Variants in TYRP1 observed in about 807,000 individuals in gnomAD.
The protein encoded by TYRP1 is 5,6-dihydroxyindole-2-carboxylic acid oxidase.
TYRP1 carries 49 observed loss-of-function variants against 42.8 expected under a neutral mutation model. That is an observed-to-expected ratio of 1.14 (90% CI 0.91 to 1.45). TYRP1 has a LOEUF of 1.45. Among genes scored for constraint, TYRP1 ranks in the 40% most tolerant of loss-of-function variants. The probability of loss-of-function intolerance (pLI) is 0.00; values close to 1 mark genes in which losing one functional copy is unlikely to be tolerated. For synonymous variants in TYRP1, 279 were observed against 235.4 expected (o/e 1.19, Z -1.69); for missense variants, 848 against 662.0 (o/e 1.28, Z -3.08).
intron 6 of TYRP1, among the ~76,000 whole-genome samples, chr9:12,706,420 G>A (rs41306298): frequency 1.3e-5 from 2 of 151,954 alleles, no homozygotes; most frequent in African/African-American, 4.8e-5. Context: ...GTTGTTAAAG[G>A]TTCTCCAGAT....
chr9:12,704,204 A>G (rs761488281), intron 5 of TYRP1, among the ~76,000 whole-genome samples: 7 of 152,012 alleles, frequency 4.6e-5, no homozygotes, highest in Admixed American at 6.6e-5. Flanking sequence ...GATTTTCACT[A>G]TCTTTATTCC....
At chr9:12,701,414 G>A (rs1279638122) in intron 4 of TYRP1, among the ~76,000 whole-genome samples, 1 of 152,034 alleles carries the variant, frequency 6.6e-6, no homozygotes, top group East Asian at 1.9e-4. Flanking sequence ...GCCAGGTACT[G>A]TGCCAAGTCT....
chr9:12,698,354 G>T, intron 3 of TYRP1, 97 bp from the exon 4 acceptor site: 1 of 1,203,720 alleles, frequency 8.3e-7, no homozygotes, highest in Non-Finnish European at 1.2e-6. Context: ...ATTGTCTGAA[G>T]AGAGCTAATA....
chr9:12,708,382 G>A (rs1162263003), intron 7 of TYRP1, among the ~76,000 whole-genome samples: 1 of 151,894 alleles, frequency 6.6e-6, no homozygotes, highest in Non-Finnish European at 1.5e-5. Context: ...ATGCTTTGGG[G>A]TGAGTATGAA....
chr9:12,693,886 A>C, intron 1 of TYRP1, 26 bp from the exon 2 acceptor site: 4 of 1,448,510 alleles, frequency 2.8e-6, no homozygotes, highest in Non-Finnish European at 2.8e-6. Flanking sequence ...AACTTGCATA[A>C]TCTCATTTTA....
At chr9:12,706,270 T>G (rs1230253638) in intron 6 of TYRP1, among the ~76,000 whole-genome samples, 2 of 151,972 alleles carry the variant, frequency 1.3e-5, no homozygotes, top group East Asian at 3.9e-4. Context: ...GTTAGTAAAC[T>G]TTTTAGAGGA....
chr9:12,705,950 A>G (rs1465344083), intron 6 of TYRP1, among the ~76,000 whole-genome samples: 1 of 152,060 alleles, frequency 6.6e-6, no homozygotes, highest in Non-Finnish European at 1.5e-5. Flanking sequence ...CAGCTTTTTT[A>G]AAAGTGAAAC....
chr9:12,704,315 G>A (rs1395610108), intron 5 of TYRP1, among the ~76,000 whole-genome samples: 1 of 151,890 alleles, frequency 6.6e-6, no homozygotes, highest in Non-Finnish European at 1.5e-5. Flanking sequence ...CATTTAGAAT[G>A]TCATGCCACT....
chr9:12,699,632 A>G (rs1314910828), intron 4 of TYRP1, among the ~76,000 whole-genome samples: 4 of 152,124 alleles, frequency 2.6e-5, no homozygotes, highest in African/African-American at 9.7e-5. Flanking sequence ...TATAGGAATA[A>G]GAGAAGTGAT....
In TYRP1 at chr9:12,709,355, C is replaced by A. The variant is rs1818318763; in HGVS notation, c.*173C>A. On this transcript the variant is annotated 3_prime_UTR_variant, in exon 8 of 8. Transcript: ENST00000388918. ...AAAGCTGGGAAGACCCTTTCAGAAT[C>A]TTTTCAATGGGTTTTAATTTTCAGT... 1.5e-6 allele frequency: 1 copy of A among 663,802 alleles called. No homozygotes were observed. The highest frequency in any genetic ancestry group is 1.8e-5 in the South Asian group (1 of 55,910). 41.1% of individuals were successfully genotyped at this position (663,802 alleles called of 1,614,324 possible).
chr9:12,703,911 A>G (rs10124770), intron 5 of TYRP1, among the ~76,000 whole-genome samples: 4,970 of 59,586 alleles, frequency 0.083, 118 homozygotes, highest in Middle Eastern at 0.14. Flanking sequence ...GTGTGTGTGT[A>G]TATATGTGTG....
chr9:12,709,140 A>G lies in TYRP1; in HGVS notation c.1572A>G (p.Glu524=). The G allele has an allele frequency of 6.2e-7, 1 of 1,612,654 alleles. No individual in the cohort carries two copies. Among genetic ancestry groups the G allele is most frequent in the African/African-American group, 1.3e-5 (1 of 74,940 alleles). Residue 524 remains glutamate, a synonymous_variant, in exon 8 of 8, where the codon GAA becomes GAG. Coordinates refer to ENST00000388918, the MANE Select transcript of TYRP1 (RefSeq NM_000550.3). ...LLTDQYQCYA[E]EYEKLQNPNQ... is the part of the protein sequence containing the mutation. Reference sequence around the variant, plus strand: ...CTGATCAGTATCAATGCTATGCTGAAGAATATGAAAAACTCCAGAATCCTA... The same window carrying G: ...CTGATCAGTATCAATGCTATGCTGAGGAATATGAAAAACTCCAGAATCCTA...
rs766545577 is a variant in TYRP1, at chr9:12,708,982, G to GAGTT, written c.1415_1418dup (p.Phe473LeufsTer3). 6.2e-7 allele frequency: 1 copy of GAGTT among 1,611,980 alleles called. No homozygotes were observed. The highest frequency in any genetic ancestry group is 1.3e-5 in the African/African-American group (1 of 74,766). ...TTATCTTCCTTTCCAAATAGGTCGG[G>GAGTT]AGTTTAGTGTACCTGAGATAATTGC... On this transcript the variant is annotated frameshift_variant, in exon 8 of 8. Coordinates refer to ENST00000388918, the MANE Select transcript of TYRP1 (RefSeq NM_000550.3). LOFTEE classifies it low-confidence loss of function (END_TRUNC).
At chr9:12,699,358 G>A (rs1271223187) in intron 4 of TYRP1, among the ~76,000 whole-genome samples, 1 of 151,950 alleles carries the variant, frequency 6.6e-6, no homozygotes, top group Non-Finnish European at 1.5e-5. Flanking sequence ...ATTTGTGCCT[G>A]TGGTAGTAAC....
chr9:12,710,263 A>G lies in TYRP1; in HGVS notation c.*1081A>G, dbSNP rs1036729649. On this transcript the variant is annotated 3_prime_UTR_variant, in exon 8 of 8. Transcript: ENST00000388918. ...ATTAAAATTGGTAAAAATAAATAATAACAGTAATAATCATGCACTATAGAA... is the reference window on the plus strand; with the variant it reads ...ATTAAAATTGGTAAAAATAAATAATGACAGTAATAATCATGCACTATAGAA... 2.0e-5 allele frequency: 3 copies of G among 151,358 alleles called. No individual in the cohort carries two copies. Among genetic ancestry groups the G allele is most frequent in the Admixed American group, 1.3e-4 (2 of 15,120 alleles). The allele number at this position is 151,358 out of a possible 1,614,324, so 9.4% of individuals were successfully genotyped here. A position where few individuals can be genotyped will look rare whatever the true frequency, so the allele number is the denominator to read the frequency against.
chr9:12,705,261 T>A (rs891933114), intron 6 of TYRP1, among the ~76,000 whole-genome samples: 2 of 152,066 alleles, frequency 1.3e-5, no homozygotes, highest in Non-Finnish European at 2.9e-5. Flanking sequence ...AAGGCCTCTT[T>A]CTCTGCCTTC....
At chr9:12,708,351 C>T (rs41298184) in intron 7 of TYRP1, among the ~76,000 whole-genome samples, 393 of 151,984 alleles carry the variant, frequency 2.6e-3, no homozygotes, top group African/African-American at 8.4e-3. Flanking sequence ...GTACAGCACC[C>T]TATCTCATTT....
intron 6 of TYRP1, among the ~76,000 whole-genome samples, chr9:12,707,118 C>G (rs757427994): frequency 2.6e-5 from 4 of 151,922 alleles, no homozygotes; most frequent in African/African-American, 9.7e-5. Context: ...AATTCCTTCT[C>G]TTTTATTTCA....
intron 5 of TYRP1, among the ~76,000 whole-genome samples, chr9:12,703,511 C>G (rs1345050171): frequency 6.6e-6 from 1 of 151,586 alleles, no homozygotes. Flanking sequence ...TTCTTAATGC[C>G]CAATCAGAAG....
Sources: allele counts gnomAD v4.1 joint callset (sites outside exome capture counted in the v4.1 genomes callset), GRCh38; gene constraint gnomAD v4.1.1; transcripts MANE v1.5; gene names NCBI Gene and HGNC (gene_info 2026-07-23, HGNC 2026-07-21).